The following DYNLL1 variants were observed in gnomAD, a reference collection of about 807,000 sequenced individuals.
DYNLL1 encodes dynein light chain LC8-type 1, also known as dynein light chain 1, cytoplasmic.
DYNLL1 carries 3 observed loss-of-function variants against 10.1 expected under a neutral mutation model. The observed-to-expected ratio is 0.30, with a 90% CI of 0.14 to 0.77. The LOEUF is 0.77. Ranked by LOEUF, DYNLL1 falls within the 30% of genes least tolerant of loss-of-function variation. The probability of loss-of-function intolerance (pLI) is 0.66; values close to 1 mark genes in which losing one functional copy is unlikely to be tolerated. For synonymous variants in DYNLL1, 46 were observed against 41.2 expected, an observed-to-expected ratio of 1.12 and a Z score of -0.45; for missense variants, 47 against 111.7, an observed-to-expected ratio of 0.42 and a Z score of 2.61.
intron 1 of DYNLL1, among the ~76,000 whole-genome samples, chr12:120,479,449 C>CAAAAAAAAAA (rs71076617): frequency 1.1e-4 from 8 of 76,078 alleles, no homozygotes; most frequent in South Asian, 4.6e-4. Flanking sequence ...ACTCCGTCTC[C>CAAAAAAAAAA]AAAAAAAAAA....
intron 1 of DYNLL1, among the ~76,000 whole-genome samples, chr12:120,482,213 C>A (rs969670090): frequency 6.6e-6 from 1 of 152,112 alleles, no homozygotes; most frequent in Non-Finnish European, 1.5e-5. Flanking sequence ...ACAGGAAGAT[C>A]GCTGGAGGCC....
rs1868539088 is a variant in DYNLL1, at chr12:120,498,387, AT to A, written c.*179del. On this transcript the variant is annotated 3_prime_UTR_variant, in exon 3 of 3. Transcript: ENST00000242577. ...ACTAGTTTGTCGTGGTTATAAAACA[AT>A]TAGCAGAATAGCCTACATTTGTATT... 2 of 626,012 alleles carry A rather than the reference AT, an allele frequency of 3.2e-6. No homozygotes were observed. The highest frequency in any genetic ancestry group is 6.2e-5 in the South Asian group (2 of 32,264). The allele number at this position is 626,012 out of a possible 1,614,324, so 38.8% of individuals were successfully genotyped here.
chr12:120,482,972 T>C (rs1175529597), intron 1 of DYNLL1, among the ~76,000 whole-genome samples: 1 of 151,712 alleles, frequency 6.6e-6, no homozygotes, highest in East Asian at 1.9e-4. Flanking sequence ...TCCCAGCTAC[T>C]CGAGAGGCTG....
At chr12:120,493,141 A>T (rs1444558656), upstream of DYNLL1, among the ~76,000 whole-genome samples, 1 of 152,204 alleles carries the variant, frequency 6.6e-6, no homozygotes, top group Non-Finnish European at 1.5e-5. Flanking sequence ...TGCAAAAACA[A>T]ATGTTTTATA....
intron 1 of DYNLL1, 42 bp downstream of exon 1, chr12:120,496,258 T>C (rs1418594684): frequency 1.2e-5 from 13 of 1,101,294 alleles, no homozygotes; most frequent in Non-Finnish European, 1.6e-5. Context: ...CGCTGCCTTA[T>C]TTCGCCCCAC....
At chr12:120,472,183 A>C (rs1318528382) in intron 1 of DYNLL1, among the ~76,000 whole-genome samples, 3 of 152,076 alleles carry the variant, frequency 2.0e-5, no homozygotes, top group African/African-American at 7.2e-5. Context: ...GTAACAAAAA[A>C]AAAATAGAAA....
chr12:120,471,649 C>T (rs1480858760), intron 1 of DYNLL1, among the ~76,000 whole-genome samples: 1 of 151,946 alleles, frequency 6.6e-6, no homozygotes, highest in African/African-American at 2.4e-5. Flanking sequence ...CTTACACTGT[C>T]ACCCAGGCTG....
chr12:120,492,609 C>A (rs2137067942), upstream of DYNLL1, among the ~76,000 whole-genome samples: 1 of 152,202 alleles, frequency 6.6e-6, no homozygotes, highest in Non-Finnish European at 1.5e-5. This position sits in a 1 kb window ranked among gnomAD's most constrained non-coding sequence, Gnocchi z 4.1. Flanking sequence ...CAATCAGGAA[C>A]CTGTGCCTTG....
At chr12:120,478,513 T>A (rs1347229828) in intron 1 of DYNLL1, among the ~76,000 whole-genome samples, 1 of 150,824 alleles carries the variant, frequency 6.6e-6, no homozygotes, top group African/African-American at 2.4e-5. Context: ...CCCAAAGTGC[T>A]AGTATTACAG....
intron 1 of DYNLL1, among the ~76,000 whole-genome samples, chr12:120,488,983 C>T (rs891514054): frequency 4.6e-5 from 7 of 152,194 alleles, no homozygotes; most frequent in Admixed American, 2.6e-4. Context: ...GGCTCATCCT[C>T]TACATGGCCA....
At chr12:120,485,690 A>G (rs1202678583) in intron 1 of DYNLL1, among the ~76,000 whole-genome samples, 1 of 151,904 alleles carries the variant, frequency 6.6e-6, no homozygotes, top group Admixed American at 6.6e-5. Flanking sequence ...AAATCAAAAA[A>G]ATTAGCCAGG....
At chr12:120,483,450 G>A (rs542315507) in intron 1 of DYNLL1, among the ~76,000 whole-genome samples, 1 of 152,148 alleles carries the variant, frequency 6.6e-6, no homozygotes, top group South Asian at 2.1e-4. Context: ...GAGGTGTGAG[G>A]AATATACACA....
chr12:120,486,460 CA>C (rs1878996617), intron 1 of DYNLL1, among the ~76,000 whole-genome samples: 1 of 151,930 alleles, frequency 6.6e-6, no homozygotes. Flanking sequence ...CAGGGCTTTG[CA>C]AACAGATGTT....
upstream of DYNLL1, chr12:120,496,073 G>T: frequency 2.5e-6 from 1 of 401,490 alleles, no homozygotes; most frequent in Non-Finnish European, 4.6e-6. Context: ...GCAGGGCGGG[G>T]CCTGAGCACT....
Position 120,498,413 on chromosome 12 carries a change from T to A in DYNLL1, c.*203T>A. On this transcript the variant is annotated 3_prime_UTR_variant, in exon 3 of 3. Coordinates refer to ENST00000242577, the MANE Select transcript of DYNLL1 (RefSeq NM_003746.3). The stretch of plus-strand genomic sequence containing the variant: ...TTAGCAGAATAGCCTACATTTGTAT[T>A]TATTTTCTATTCCATACTTCTGCCC... 1 of 516,636 alleles carries A rather than the reference T, an allele frequency of 1.9e-6. No homozygotes were observed. Among genetic ancestry groups the A allele is most frequent in the Non-Finnish European group, 3.2e-6 (1 of 314,020 alleles). The allele number at this position is 516,636 out of a possible 1,614,324, so 32.0% of individuals were successfully genotyped here.
upstream of DYNLL1, among the ~76,000 whole-genome samples, chr12:120,492,981 A>G (rs961691713): frequency 6.6e-6 from 1 of 152,092 alleles, no homozygotes; most frequent in African/African-American, 2.4e-5. The surrounding 1 kb of genome is among the most constrained non-coding windows in gnomAD (Gnocchi z 4.1). Context: ...AATGCCTGTA[A>G]GCACTACATA....
chr12:120,495,051 A>G (rs1410645468), upstream of DYNLL1, among the ~76,000 whole-genome samples: 1 of 152,160 alleles, frequency 6.6e-6, no homozygotes, highest in African/African-American at 2.4e-5. Flanking sequence ...TTCCTTTTAC[A>G]TTTAGTCCTC....
intron 1 of DYNLL1, among the ~76,000 whole-genome samples, chr12:120,476,281 T>TA (rs886356663): frequency 6.7e-6 from 1 of 149,644 alleles, no homozygotes. Context: ...TCCTTAAAGG[T>TA]AAAAAACAAG....
chr12:120,490,064 T>C (rs1334873039), intron 1 of DYNLL1, among the ~76,000 whole-genome samples: 1 of 152,240 alleles, frequency 6.6e-6, no homozygotes, highest in Non-Finnish European at 1.5e-5. Flanking sequence ...ACTTTATTTT[T>C]ATCCATTGCC....
Sources: allele counts gnomAD v4.1 joint callset (sites outside exome capture counted in the v4.1 genomes callset), GRCh38; gene constraint gnomAD v4.1.1; non-coding constraint Gnocchi (gnomAD v3.1); transcripts MANE v1.5; gene names NCBI Gene and HGNC (gene_info 2026-07-23, HGNC 2026-07-21).